Variants in TULP2 observed in about 807,000 individuals in gnomAD.
TULP2 encodes the protein tubby-related protein 2.
Under a neutral mutation model 60.3 loss-of-function variants are expected in TULP2, and 64 were observed. The observed-to-expected ratio is 1.06, with a 90% CI of 0.87 to 1.31. The LOEUF is 1.31. TULP2 is among the 50% of genes most tolerant of loss of function. The pLI is 0.00. For missense variants in TULP2, 652 were observed against 667.0 expected (o/e 0.98, Z 0.25); for synonymous variants, 267 against 265.4 (o/e 1.01, Z -0.06).
At chr19:48,882,475 C>G (rs2037143461) in intron 11 of TULP2, among the ~76,000 whole-genome samples, 1 of 152,148 alleles carries the variant, frequency 6.6e-6, no homozygotes, top group Non-Finnish European at 1.5e-5. Context: ...TTAATTTCCT[C>G]AGCAAGGCCA....
intron 9 of TULP2, among the ~76,000 whole-genome samples, chr19:48,885,220 A>G (rs2037168883): frequency 6.6e-6 from 1 of 152,042 alleles, no homozygotes; most frequent in Non-Finnish European, 1.5e-5. Flanking sequence ...TTTGGATGCA[A>G]TAATTCACAC....
rs146972211 is a variant in TULP2, at chr19:48,882,313, G to T, written c.1276-110C>A. ...GCGACTCCATCTTGAACAGGGGCTG[G>T]GTAAAATGAGGATGAGACCTGCTGG... On this transcript the variant is annotated intron_variant, in intron 11 of 12. Transcript: ENST00000221399. The T allele has an allele frequency of 8.3e-3, 10,158 of 1,221,832 alleles. 65 individuals carry two copies. The highest frequency in any genetic ancestry group is 9.4e-3 in the Non-Finnish European group (8,178 of 871,770). The allele number at this position is 1,221,832 out of a possible 1,614,324, so 75.7% of individuals were successfully genotyped here.
Position 48,897,021 on chromosome 19 carries a change from C to T in TULP2, c.84+324G>A, listed in dbSNP as rs897116005. On this transcript the variant is annotated intron_variant, in intron 3 of 12. Coordinates refer to ENST00000221399, the MANE Select transcript of TULP2 (RefSeq NM_003323.3). The surrounding 1 kb of genome is among the most constrained non-coding windows in gnomAD (Gnocchi z 4.0). ...TCTCCTGCCTCAGCCTCCCGAGTAG[C>T]TGGGATTACAGGCGCCTGCCACCAC... Among the ~76,000 whole-genome samples, 2 of 152,094 alleles carry T rather than the reference C, an allele frequency of 1.3e-5. No homozygotes were observed. The highest frequency in any genetic ancestry group is 2.9e-5 in the Non-Finnish European group (2 of 68,020).
chr19:48,883,859 G>T lies in TULP2; in HGVS notation c.1177-7C>A, dbSNP rs763518077. On this transcript the variant is annotated splice_region_variant and splice_polypyrimidine_tract_variant and intron_variant, in intron 10 of 12. Transcript: ENST00000221399. ...ATCCTAAGACGTTGGGCTCCTGGGG[G>T]TATTACATTCCAGTTGGCCTGGTTC... 19 of 1,614,022 alleles carry T rather than the reference G, an allele frequency of 1.2e-5. No individual in the cohort carries two copies. The highest frequency in any genetic ancestry group is 1.4e-5 in the Non-Finnish European group (16 of 1,179,990).
At chr19:48,892,587 T>G (rs1233297342) in intron 6 of TULP2, among the ~76,000 whole-genome samples, 1 of 151,502 alleles carries the variant, frequency 6.6e-6, no homozygotes, top group Non-Finnish European at 1.5e-5. Context: ...CACTGCAAGC[T>G]CTGCCTCCCG....
rs1352515660 is a variant in TULP2, at chr19:48,896,469, G to A, written c.172C>T (p.Arg58Cys). 1.2e-6 allele frequency: 2 copies of A among 1,611,034 alleles called. No individual in the cohort carries two copies. Among genetic ancestry groups the A allele is most frequent in the Non-Finnish European group, 8.5e-7 (1 of 1,178,898 alleles). Residue 58 changes from arginine (R) to cysteine (C), a missense_variant, in exon 4 of 13, where the codon CGC becomes TGC. Transcript: ENST00000221399. ...ANPDASPWLW[R>C]SCLREERLLG... ...AGGCGCTCCTCCCGCAGACAAGAGC[G>A]CCAAAGCCACGGGGAAGCGTCAGGA... is the stretch of plus-strand genomic sequence containing the variant.
At position 48,884,012 on chromosome 19, in the gene TULP2, C is replaced by T. The variant is rs2037157987; in HGVS notation, c.1096G>A (p.Asp366Asn). 1 of 1,614,078 alleles carries T rather than the reference C, an allele frequency of 6.2e-7. No homozygotes were observed. Among genetic ancestry groups the T allele is most frequent in the East Asian group, 2.2e-5 (1 of 44,880 alleles). ...TCCCGGTCAGGATTCACCCCATTGT[C>T]AAAGATGGTGAACTTGGTGCTGAAG... ...NVFSTKFTIF[D>N]NGVNPDREHL... Residue 366 changes from aspartate to asparagine, a missense_variant, in exon 10 of 13, where the codon GAC (aspartate) becomes AAC (asparagine). Transcript: ENST00000221399.
chr19:48,887,986 GA>G lies in TULP2; in HGVS notation c.911del (p.Leu304ProfsTer66), dbSNP rs2037197284. 6.2e-7 allele frequency: 1 copy of G among 1,613,860 alleles called. No homozygotes were observed. The highest frequency in any genetic ancestry group is 1.3e-5 in the African/African-American group (1 of 74,938). ...KHGVDKGLFPLYYLYLETSDS... is the reference protein window; with the variant it reads ...KHGVDKGLFPXYYLYLETSDS... ...CAGAGGTCTCCAGGTAGAGGTAGTA[GA>G]GGGGGAACAAGCCCTTGTCCACGCC... is the stretch of plus-strand genomic sequence containing the variant. On this transcript the variant is annotated frameshift_variant, in exon 8 of 13. Transcript: ENST00000221399. LOFTEE classifies it high-confidence loss of function.
In TULP2 at chr19:48,883,918, C is replaced by T; in HGVS notation, c.1176+14G>A. The T allele has an allele frequency of 6.2e-7, 1 of 1,613,926 alleles. No individual in the cohort carries two copies. Among genetic ancestry groups the T allele is most frequent in the South Asian group, 1.1e-5 (1 of 91,076 alleles). ...GACTATCCTACCCCATTCTCTCATCCCCAGGACACTCACATAACACACAGC... is the reference window on the plus strand; with the variant it reads ...GACTATCCTACCCCATTCTCTCATCTCCAGGACACTCACATAACACACAGC... On this transcript the variant is annotated intron_variant, in intron 10 of 12. Transcript: ENST00000221399.
Position 48,883,962 on chromosome 19 carries a change from C to T in TULP2, c.1146G>A (p.Arg382=), listed in dbSNP as rs2037157334. The change falls in exon 10 of 13, where the codon CGG becomes CGA. Residue 382 remains arginine, a synonymous_variant. Transcript: ENST00000221399. The part of the protein sequence containing the change: ...DREHLTRNTA[R]IRQELGAVCY... Reference sequence around the variant, plus strand: ...ACACAGCCCCCAGCTCCTGTCTGATCCGGGCAGTATTCCTGGTTAAATGCT... The same window carrying T: ...ACACAGCCCCCAGCTCCTGTCTGATTCGGGCAGTATTCCTGGTTAAATGCT... 1.2e-6 allele frequency: 2 copies of T among 1,614,022 alleles called. No individual in the cohort carries two copies. The highest frequency in any genetic ancestry group is 1.7e-6 in the Non-Finnish European group (2 of 1,180,042).
chr19:48,891,458 G>A (rs895462093), intron 6 of TULP2, among the ~76,000 whole-genome samples: 5 of 151,966 alleles, frequency 3.3e-5, no homozygotes, highest in South Asian at 2.1e-4. Flanking sequence ...TAGTGAAACC[G>A]GTCTCTACTA....
chr19:48,895,199 T>C (rs750534562), intron 5 of TULP2, 37 bp from the exon 6 acceptor site: 1 of 1,606,580 alleles, frequency 6.2e-7, no homozygotes, highest in Non-Finnish European at 8.5e-7. Context: ...GATTTCTGGA[T>C]GCTGCAGGAG....
At chr19:48,891,661 G>A (rs969999377) in intron 6 of TULP2, among the ~76,000 whole-genome samples, 5 of 152,174 alleles carry the variant, frequency 3.3e-5, no homozygotes, top group South Asian at 2.1e-4. Flanking sequence ...GGAGACGAGC[G>A]GCTGAGAGAA....
chr19:48,896,331 CCCACCCTAAGGCT>C (rs2037280846), intron 4 of TULP2, 86 bp downstream of exon 4: 3 of 1,440,954 alleles, frequency 2.1e-6, no homozygotes, highest in Non-Finnish European at 2.7e-6. Context: ...CTGCCAAGTC[CCCACCCTAAGGCT>C]CCACCCCTTC....
chr19:48,892,125 A>T (rs150500610), intron 6 of TULP2, among the ~76,000 whole-genome samples: 2 of 152,258 alleles, frequency 1.3e-5, no homozygotes, highest in African/African-American at 4.8e-5. Context: ...TCTTAACCGC[A>T]TGGAGGCCTT....
At chr19:48,896,279 C>T (rs1317003723) in intron 4 of TULP2, 151 bp downstream of exon 4, 21 of 1,170,110 alleles carry the variant, frequency 1.8e-5, no homozygotes, top group African/African-American at 3.2e-5. Context: ...GCCCACAGGC[C>T]CTGTTCTAAA....
At chr19:48,888,990 ATTT>A (rs1207924162) in intron 7 of TULP2, among the ~76,000 whole-genome samples, 1 of 118,582 alleles carries the variant, frequency 8.4e-6, no homozygotes, top group African/African-American at 3.1e-5. Flanking sequence ...GGCTGCACCT[ATTT>A]TTTTTTTTTT....
At chr19:48,889,365 C>T (rs1306383328) in intron 7 of TULP2, 145 bp downstream of exon 7, 4 of 1,325,792 alleles carry the variant, frequency 3.0e-6, no homozygotes, top group South Asian at 1.5e-5. Flanking sequence ...CACGCACGCA[C>T]GCACACACAC....
chr19:48,896,583 C>T (rs1459975421), intron 3 of TULP2, 27 bp from the exon 4 acceptor site: 1 of 1,568,994 alleles, frequency 6.4e-7, no homozygotes, highest in Non-Finnish European at 8.6e-7. Context: ...GGTGGGTGTC[C>T]GGGACAGGAA....
Sources: gnomAD v4.1 joint callset for allele counts (sites outside exome capture counted in the v4.1 genomes callset) on GRCh38, gnomAD v4.1.1 for gene constraint, Gnocchi (gnomAD v3.1) non-coding constraint, MANE v1.5 for transcripts, NCBI Gene and HGNC (gene_info 2026-07-23, HGNC 2026-07-21) for gene names.